Variants in SEC23A observed in about 807,000 individuals in gnomAD.
SEC23A encodes the protein protein transport protein Sec23A.
Under a neutral mutation model 103.7 loss-of-function variants are expected in SEC23A, and 56 were observed. The ratio of observed to expected loss-of-function variants is 0.54; its 90% CI spans 0.44 to 0.67. The LOEUF is 0.67. Ranked by LOEUF, SEC23A falls within the 30% of genes least tolerant of loss-of-function variation. The pLI is 0.00. For synonymous variants in SEC23A, 281 were observed against 293.0 expected, an observed-to-expected ratio of 0.96 and a Z score of 0.42; for missense variants, 784 against 936.4, an observed-to-expected ratio of 0.84 and a Z score of 2.12.
intron 1 of SEC23A, among the ~76,000 whole-genome samples, chr14:39,097,796 T>A (rs1004606725): frequency 2.0e-5 from 3 of 152,064 alleles, no homozygotes; most frequent in Non-Finnish European, 4.4e-5. Context: ...TAGAAAAGAC[T>A]ATTTTGGGCC....
intron 13 of SEC23A, among the ~76,000 whole-genome samples, chr14:39,060,420 AG>A (rs1886436569): frequency 6.6e-6 from 1 of 152,184 alleles, no homozygotes; most frequent in Admixed American, 6.5e-5. Flanking sequence ...TCAGGAATGA[AG>A]CTAGAGTTTA....
chr14:39,076,260 T>G (rs1345019053), intron 7 of SEC23A, among the ~76,000 whole-genome samples, 167 bp from the exon 8 acceptor site: 1 of 152,166 alleles, frequency 6.6e-6, no homozygotes, highest in African/African-American at 2.4e-5. Flanking sequence ...CTGAACAACT[T>G]TCTTTTAAAA....
chr14:39,060,481 C>G (rs988400803), intron 13 of SEC23A, among the ~76,000 whole-genome samples: 1 of 152,126 alleles, frequency 6.6e-6, no homozygotes, highest in Non-Finnish European at 1.5e-5. Flanking sequence ...TGTCCATTGT[C>G]GAGACCATGA....
chr14:39,047,994 C>A (rs1885902320), intron 15 of SEC23A, among the ~76,000 whole-genome samples: 1 of 152,174 alleles, frequency 6.6e-6, no homozygotes, highest in Non-Finnish European at 1.5e-5. Context: ...TACCATACTG[C>A]AAGACTAGCT....
intron 19 of SEC23A, 61 bp downstream of exon 19, chr14:39,038,970 T>C: frequency 7.0e-7 from 1 of 1,418,952 alleles, no homozygotes; most frequent in African/African-American, 1.4e-5. Flanking sequence ...TAGCTTTCAC[T>C]AAAATAATAA....
chr14:39,097,327 G>C (rs1246645565), intron 1 of SEC23A, among the ~76,000 whole-genome samples: 2 of 152,066 alleles, frequency 1.3e-5, no homozygotes, highest in African/African-American at 2.4e-5. Context: ...AGGTGTGGGA[G>C]GACAAAGACA....
At chr14:39,056,312 T>C (rs909353920) in intron 13 of SEC23A, among the ~76,000 whole-genome samples, 3 of 152,108 alleles carry the variant, frequency 2.0e-5, no homozygotes, top group African/African-American at 7.2e-5. Flanking sequence ...CCCACAACAT[T>C]AGTAGAGAGG....
chr14:39,033,020 A>G lies in SEC23A; in HGVS notation c.*219T>C, dbSNP rs1166391040. On this transcript the variant is annotated 3_prime_UTR_variant, in exon 20 of 20. Coordinates refer to ENST00000307712, the MANE Select transcript of SEC23A (RefSeq NM_006364.4). ...AGACTTCAAATTTCTAGAACCAGCT[A>G]TAACACTGTGGTAAGCAAAATAAAT... 1 of 551,794 alleles carries G rather than the reference A, an allele frequency of 1.8e-6. No individual in the cohort carries two copies. Among genetic ancestry groups the G allele is most frequent in the Non-Finnish European group, 3.3e-6 (1 of 304,874 alleles). 34.2% of individuals were successfully genotyped at this position (551,794 alleles called of 1,614,324 possible). A position where few individuals can be genotyped will look rare whatever the true frequency, so the allele number is the denominator to read the frequency against.
In SEC23A at chr14:39,042,816, T is replaced by A; in HGVS notation, c.1956A>T (p.Thr652=). The part of the protein sequence containing the change: ...ILADRILLMD[T]FFQILIYHGE... The stretch of plus-strand genomic sequence containing the variant: ...CATGATAAATCAAAATCTGGAAGAA[T>A]GTGTCCATGAGAAGAATACGATCTG... Residue 652 remains threonine, a synonymous_variant, in exon 17 of 20, where the codon ACA becomes ACT. Transcript: ENST00000307712. The A allele has an allele frequency of 1.9e-6, 3 of 1,611,744 alleles. No homozygotes were observed. Among genetic ancestry groups the A allele is most frequent in the Non-Finnish European group, 2.5e-6 (3 of 1,178,014 alleles).
At chr14:39,061,106 T>C (rs1362248083) in intron 13 of SEC23A, among the ~76,000 whole-genome samples, 1 of 152,202 alleles carries the variant, frequency 6.6e-6, no homozygotes, top group Non-Finnish European at 1.5e-5. Context: ...AGGGAGTTTG[T>C]TTTAAATCAC....
At chr14:39,080,603 AC>A (rs1345955977) in intron 7 of SEC23A, among the ~76,000 whole-genome samples, 1 of 152,060 alleles carries the variant, frequency 6.6e-6, no homozygotes. Context: ...ATGAGATTTC[AC>A]CACGTTGGCC....
At chr14:39,038,272 C>T (rs891240681) in intron 19 of SEC23A, among the ~76,000 whole-genome samples, 8 of 152,166 alleles carry the variant, frequency 5.3e-5, no homozygotes, top group African/African-American at 1.7e-4. Context: ...ACACCCTCTT[C>T]CTGCTACCAC....
chr14:39,040,640 T>G, intron 18 of SEC23A, 92 bp downstream of exon 18: 1 of 1,496,952 alleles, frequency 6.7e-7, no homozygotes, highest in Admixed American at 1.7e-5. Context: ...GTCTGCTTTA[T>G]GAAGCAATCT....
chr14:39,045,698 G>C (rs1168982238), intron 15 of SEC23A, among the ~76,000 whole-genome samples: 1 of 152,094 alleles, frequency 6.6e-6, no homozygotes, highest in African/African-American at 2.4e-5. Flanking sequence ...AAAACAAAAA[G>C]ACAAAAACCC....
chr14:39,056,607 C>G lies in SEC23A; in HGVS notation c.1506-1311G>C, dbSNP rs569240272. Among the ~76,000 whole-genome samples, 16 of 151,688 alleles carry G rather than the reference C, an allele frequency of 1.1e-4. No homozygotes were observed. In the South Asian group the frequency reaches 3.1e-3, roughly 30 times the overall value. The stretch of plus-strand genomic sequence containing the variant: ...CCTGTGCCTCAGCCTCCTGAGTAGC[C>G]AGAACTACAGGCTCCGGCTAACTTT... On this transcript the variant is annotated intron_variant, in intron 13 of 19. Transcript: ENST00000307712.
chr14:39,096,941 A>G (rs1291922973), intron 1 of SEC23A, among the ~76,000 whole-genome samples: 1 of 152,232 alleles, frequency 6.6e-6, no homozygotes, highest in East Asian at 1.9e-4. Flanking sequence ...TCTGCTTTGG[A>G]CAGGTAATTT....
At chr14:39,069,132 C>G (rs887647023) in intron 9 of SEC23A, among the ~76,000 whole-genome samples, 9 of 152,232 alleles carry the variant, frequency 5.9e-5, no homozygotes, top group Non-Finnish European at 1.2e-4. Flanking sequence ...CAGTAAACCT[C>G]TATGAAGGAA....
At chr14:39,039,493 A>C in intron 18 of SEC23A, 1 of 192,898 alleles carries the variant, frequency 5.2e-6, no homozygotes, top group East Asian at 1.6e-4. Context: ...ATGACCCTTA[A>C]GCTTTCTTAA....
chr14:39,093,596 C>CA (rs1887738843), intron 2 of SEC23A, among the ~76,000 whole-genome samples: 1 of 151,976 alleles, frequency 6.6e-6, no homozygotes, highest in South Asian at 2.1e-4. Context: ...CCAGTCTTCA[C>CA]AAAAAATACA....
Sources: gnomAD v4.1 joint callset for allele counts (sites outside exome capture counted in the v4.1 genomes callset) on GRCh38, gnomAD v4.1.1 for gene constraint, MANE v1.5 for transcripts, NCBI Gene and HGNC (gene_info 2026-07-23, HGNC 2026-07-21) for gene names.